The following FGD5 variants were observed in gnomAD, a reference collection of about 807,000 sequenced individuals.
The protein encoded by FGD5 is FYVE, RhoGEF and PH domain containing 5, also known as FYVE, RhoGEF and PH domain-containing protein 5.
FGD5 carries 28 observed loss-of-function variants against 133.4 expected under a neutral mutation model. The observed-to-expected ratio is 0.21, with a 90% CI of 0.16 to 0.29. The LOEUF is 0.29. Ranked by LOEUF, FGD5 falls within the 10% of genes least tolerant of loss-of-function variation. FGD5 has a pLI of 1.00. For synonymous variants in FGD5, 810 were observed against 776.5 expected, an observed-to-expected ratio of 1.04 and a Z score of -0.72; for missense variants, 1,858 against 1,895.2, an observed-to-expected ratio of 0.98 and a Z score of 0.36.
chr3:14,910,798 C>T, intron 10 of FGD5, 63 bp from the exon 11 acceptor site: 1 of 1,498,090 alleles, frequency 6.7e-7, no homozygotes. Context: ...GCCTCCCCTG[C>T]ACCCTTGTCT....
chr3:14,811,162 G>A (rs2036287380), intron 1 of FGD5, among the ~76,000 whole-genome samples: 2 of 152,156 alleles, frequency 1.3e-5, no homozygotes, highest in Admixed American at 6.5e-5. Context: ...CGGAGTGAGG[G>A]TCCCTTCCAC....
In FGD5 at chr3:14,831,100, G is replaced by A. The variant is rs544306289; in HGVS notation, c.2525+9504G>A. 3.3e-5 allele frequency among the ~76,000 whole-genome samples: 5 copies of A among 152,250 alleles called. No individual in the cohort carries two copies. The East Asian group carries it at 9.7e-4, about 29-fold the overall frequency. On this transcript the variant is annotated intron_variant, in intron 1 of 19. Transcript: ENST00000285046. ...AGACATCCCAAGGGGAAGGGCATCC[G>A]AGGCAGAGGGAATAGCAGGAGCAAA...
Position 14,898,033 on chromosome 3 carries a change from G to T in FGD5, c.3004G>T (p.Gly1002Cys), listed in dbSNP as rs776122371. ...THILQFDRYL[G>C]LLSENCLHSP... is the part of the protein sequence containing the mutation. Reference sequence around the variant, plus strand: ...CATCCTGCAGTTCGACAGGTACCTAGGTCTGCTCAGTGAGAATTGCCTCCA... The same window carrying T: ...CATCCTGCAGTTCGACAGGTACCTATGTCTGCTCAGTGAGAATTGCCTCCA... The change falls in exon 6 of 20, where the codon GGT becomes TGT. Residue 1002 changes from glycine (G) to cysteine (C), a missense_variant. By Grantham distance (159) the Gly-to-Cys change is radical. This residue lies in a region of FGD5 where 1,824 missense variants were observed against 1,848.9 expected (regional missense o/e 0.99). Coordinates refer to ENST00000285046, the MANE Select transcript of FGD5 (RefSeq NM_152536.4). The T allele has an allele frequency of 3.1e-6, 5 of 1,613,858 alleles. No homozygotes were observed. The African/African-American group carries it at 6.7e-5, about 22-fold the overall frequency.
At chr3:14,929,103 G>A (rs1267227951) in intron 18 of FGD5, among the ~76,000 whole-genome samples, 4 of 152,182 alleles carry the variant, frequency 2.6e-5, no homozygotes, top group Non-Finnish European at 5.9e-5. Context: ...TCCTCAAACA[G>A]ATGGAATCAT....
intron 4 of FGD5, among the ~76,000 whole-genome samples, chr3:14,893,966 C>G (rs543406718): frequency 6.6e-6 from 1 of 152,060 alleles, no homozygotes; most frequent in Middle Eastern, 3.4e-3. Flanking sequence ...CCATGTTGGT[C>G]TGGTTGGTCT....
intron 12 of FGD5, among the ~76,000 whole-genome samples, chr3:14,918,076 G>A (rs1384473945): frequency 1.3e-5 from 2 of 152,240 alleles, no homozygotes; most frequent in East Asian, 3.8e-4. Context: ...CCTTTAGGCT[G>A]TTGTGAGTAA....
At chr3:14,907,381 T>C (rs900939789) in intron 9 of FGD5, among the ~76,000 whole-genome samples, 2 of 152,164 alleles carry the variant, frequency 1.3e-5, no homozygotes, top group Non-Finnish European at 2.9e-5. Flanking sequence ...TAGGAGCAGT[T>C]GTCCAGAGAA....
intron 4 of FGD5, among the ~76,000 whole-genome samples, chr3:14,891,913 T>TTC (rs1176849827): frequency 5.3e-5 from 8 of 150,410 alleles, no homozygotes; most frequent in Admixed American, 3.3e-4. Context: ...CACTCTCCCC[T>TTC]TCTCTCTCTC....
intron 4 of FGD5, 171 bp from the exon 5 acceptor site, chr3:14,897,338 T>C: frequency 1.4e-6 from 1 of 735,248 alleles, no homozygotes; most frequent in South Asian, 2.0e-5. Context: ...GCCAGGTGCA[T>C]GTGGTCATCT....
At chr3:14,821,666 G>A (rs1307331568) in intron 1 of FGD5, 70 bp downstream of exon 1, 8 of 1,448,446 alleles carry the variant, frequency 5.5e-6, no homozygotes, top group South Asian at 1.5e-5. Flanking sequence ...GGGTGTGGGG[G>A]ACAGATGGAC....
At chr3:14,865,320 C>G (rs1488195274) in intron 2 of FGD5, among the ~76,000 whole-genome samples, 1 of 152,238 alleles carries the variant, frequency 6.6e-6, no homozygotes, top group Non-Finnish European at 1.5e-5. Flanking sequence ...ATGCACTCAG[C>G]ACAGGTGCCT....
intron 1 of FGD5, among the ~76,000 whole-genome samples, chr3:14,829,511 G>A (rs2125075849): frequency 6.6e-6 from 1 of 152,322 alleles, no homozygotes; most frequent in East Asian, 1.9e-4. Flanking sequence ...CCACCAGGAT[G>A]TACACAGCAA....
chr3:14,876,665 C>G (rs189451401), intron 2 of FGD5, among the ~76,000 whole-genome samples: 3 of 152,170 alleles, frequency 2.0e-5, no homozygotes, highest in African/African-American at 7.2e-5. Flanking sequence ...CACTTCCCCA[C>G]TCGGTTGGTT....
chr3:14,893,676 C>T (rs1418914576), intron 4 of FGD5, among the ~76,000 whole-genome samples: 1 of 151,616 alleles, frequency 6.6e-6, no homozygotes, highest in Non-Finnish European at 1.5e-5. Flanking sequence ...ATGTATAGTC[C>T]ATTATCGTAA....
Position 14,926,072 on chromosome 3 carries a change from G to A in FGD5, c.4071G>A (p.Val1357=), listed in dbSNP as rs775599066. The change falls in exon 18 of 20, where the codon GTG becomes GTA. Residue 1357 remains valine (V), a splice_region_variant and synonymous_variant. Transcript: ENST00000285046. The stretch of plus-strand genomic sequence containing the variant: ...CCGCTCTGCTTCCCTCCTGCCAGGT[G>A]GCTGCCTCTGGAGAGGGCTCTGCCA... ...QKKVPSALTE[V]AASGEGSAIS... 216 of 1,613,538 alleles carry A rather than the reference G, an allele frequency of 1.3e-4. No homozygotes were observed. Among genetic ancestry groups the A allele is most frequent in the Non-Finnish European group, 1.7e-4 (205 of 1,179,746 alleles).
chr3:14,817,204 CT>C (rs544171549), upstream of FGD5, among the ~76,000 whole-genome samples: 11 of 151,840 alleles, frequency 7.2e-5, no homozygotes, highest in Non-Finnish European at 1.5e-4. Flanking sequence ...ATTACTTTTA[CT>C]TTTTTTTGAG....
intron 4 of FGD5, 149 bp downstream of exon 4, chr3:14,880,921 T>A: frequency 9.6e-7 from 1 of 1,036,778 alleles, no homozygotes; most frequent in Non-Finnish European, 1.4e-6. Flanking sequence ...TTCAGGGAAG[T>A]CCGTCTCCTG....
At chr3:14,859,499 A>T (rs1194439391) in intron 1 of FGD5, among the ~76,000 whole-genome samples, 4 of 152,140 alleles carry the variant, frequency 2.6e-5, no homozygotes, top group Non-Finnish European at 5.9e-5. Flanking sequence ...CAGAGGTTGC[A>T]CTTAGCAGAG....
At chr3:14,845,654 G>A (rs533519377) in intron 1 of FGD5, among the ~76,000 whole-genome samples, 137 of 152,260 alleles carry the variant, frequency 9.0e-4, no homozygotes, top group African/African-American at 3.2e-3. Flanking sequence ...CTGGAGCCTG[G>A]TAACACTTGA....
Sources: allele counts gnomAD v4.1 joint callset (sites outside exome capture counted in the v4.1 genomes callset), GRCh38; gene constraint gnomAD v4.1.1; regional missense constraint gnomAD v4.1.1; transcripts MANE v1.5; gene names NCBI Gene and HGNC (gene_info 2026-07-23, HGNC 2026-07-21).